The following SDS variants were observed in gnomAD, a reference collection of about 807,000 sequenced individuals.
The protein encoded by SDS is L-serine dehydratase/L-threonine deaminase.
A neutral mutation model predicts 29.3 loss-of-function variants in SDS; 19 were observed. The ratio of observed to expected loss-of-function variants is 0.65; its 90% CI spans 0.45 to 0.95. The LOEUF is 0.95. Ranked by LOEUF, SDS falls within the 40% of genes least tolerant of loss-of-function variation. The probability of loss-of-function intolerance (pLI) is 0.00; values close to 1 mark genes in which losing one functional copy is unlikely to be tolerated. For synonymous variants in SDS, 176 were observed against 189.0 expected (o/e 0.93, Z 0.56); for missense variants, 375 against 439.9 (o/e 0.85, Z 1.32).
At chr12:113,402,188 C>A (rs1353833665) in intron 1 of SDS, among the ~76,000 whole-genome samples, 3 of 152,218 alleles carry the variant, frequency 2.0e-5, no homozygotes, top group African/African-American at 7.2e-5. Context: ...TCCGCTGGAT[C>A]TCTCGAATAA....
Position 113,398,858 on chromosome 12 carries a change from G to T in SDS, c.194-12C>A. 1.9e-6 allele frequency: 3 copies of T among 1,592,858 alleles called. No homozygotes were observed. Among genetic ancestry groups the T allele is most frequent in the Non-Finnish European group, 2.6e-6 (3 of 1,170,132 alleles). On this transcript the variant is annotated splice_polypyrimidine_tract_variant and intron_variant, in intron 3 of 7. Transcript: ENST00000257549. ...GCCTGCGTTGCCCGCTGCCAGGGTC[G>T]GGGGTGGAGAGCGTGTCAGTGCGGG... is the stretch of plus-strand genomic sequence containing the variant.
intron 1 of SDS, among the ~76,000 whole-genome samples, chr12:113,400,149 T>C (rs1957675108): frequency 1.3e-5 from 2 of 152,090 alleles, no homozygotes; most frequent in African/African-American, 4.8e-5. Flanking sequence ...AAAAATTAGC[T>C]GGGCATGGTG....
At chr12:113,395,840 G>A (rs143888398) in intron 6 of SDS, among the ~76,000 whole-genome samples, 52 of 152,248 alleles carry the variant, frequency 3.4e-4, no homozygotes, top group African/African-American at 1.1e-3. Flanking sequence ...AGCCGGGTGC[G>A]GTGGCTCACG....
At chr12:113,397,507 C>A in intron 5 of SDS, 115 bp from the exon 6 acceptor site, 1 of 844,128 alleles carries the variant, frequency 1.2e-6, no homozygotes, top group South Asian at 1.8e-5. Context: ...TCCCTCCCCA[C>A]CCCCAACCTT....
chr12:113,397,993 C>T (rs1407324596), intron 5 of SDS, among the ~76,000 whole-genome samples: 6 of 151,806 alleles, frequency 4.0e-5, no homozygotes, highest in East Asian at 1.9e-4. Context: ...CATGTGCAGC[C>T]GTGGATAATG....
At chr12:113,394,335 G>GTTGT (rs766511468) in intron 6 of SDS, among the ~76,000 whole-genome samples, 23 of 142,808 alleles carry the variant, frequency 1.6e-4, no homozygotes, top group Non-Finnish European at 2.9e-4. Flanking sequence ...TTTTTTTGTT[G>GTTGT]TTTTTTTGTT....
At position 113,398,552 on chromosome 12, in the gene SDS, AAC is replaced by A. The variant is rs1957662872; in HGVS notation, c.386_387del (p.Gly129ValfsTer8). 1.3e-6 allele frequency: 2 copies of A among 1,595,030 alleles called. No homozygotes were observed. Among genetic ancestry groups the A allele is most frequent in the African/African-American group, 2.7e-5 (2 of 73,816 alleles). ...LAKALAKNNP[G>X]WVYIPPFDDP... The stretch of plus-strand genomic sequence containing the variant: ...TCATCAAAGGGGGGAATGTAGACCC[AAC>A]CCGGGTTGTTCTTCGCTAGGGCCTT... On this transcript the variant is annotated frameshift_variant, in exon 5 of 8. Transcript: ENST00000257549. LOFTEE classifies it high-confidence loss of function.
chr12:113,395,886 C>T (rs1957640967), intron 6 of SDS, among the ~76,000 whole-genome samples: 1 of 152,128 alleles, frequency 6.6e-6, no homozygotes, highest in Non-Finnish European at 1.5e-5. Flanking sequence ...CTGAGGTGGG[C>T]AGATCACCTG....
chr12:113,395,784 C>A (rs1385597878), intron 6 of SDS, among the ~76,000 whole-genome samples: 1 of 152,182 alleles, frequency 6.6e-6, no homozygotes, highest in Non-Finnish European at 1.5e-5. Context: ...TTTGGGCCTT[C>A]TGTGTAATGG....
intron 4 of SDS, 41 bp from the exon 5 acceptor site, chr12:113,398,647 G>C: frequency 6.2e-7 from 1 of 1,605,028 alleles, no homozygotes; most frequent in Non-Finnish European, 8.5e-7. Flanking sequence ...TGAGGCACAG[G>C]GGGCACCCTG....
intron 1 of SDS, among the ~76,000 whole-genome samples, chr12:113,402,453 C>T (rs914850462): frequency 5.3e-5 from 8 of 152,096 alleles, no homozygotes; most frequent in Non-Finnish European, 8.8e-5. Flanking sequence ...CCACCACGCC[C>T]GAATAATTTT....
chr12:113,394,789 G>A (rs920739900), intron 6 of SDS, among the ~76,000 whole-genome samples: 2 of 152,094 alleles, frequency 1.3e-5, no homozygotes, highest in African/African-American at 4.8e-5. Flanking sequence ...GGTTACAACC[G>A]CTACCTGGTT....
At chr12:113,397,508 C>T (rs1291274292) in intron 5 of SDS, 116 bp from the exon 6 acceptor site, 21 of 842,676 alleles carry the variant, frequency 2.5e-5, no homozygotes, top group Non-Finnish European at 3.3e-5. Context: ...CCCTCCCCAC[C>T]CCCAACCTTG....
At position 113,402,817 on chromosome 12, in the gene SDS, C is replaced by T. The variant is rs562577438; in HGVS notation, c.-3+951G>A. ...CATCCATTAACTGCATCCAGCCTGC[C>T]CCAAGGATCCCTGCCCCAAGGATCG... On this transcript the variant is annotated intron_variant, in intron 1 of 7. Transcript: ENST00000257549. Among the ~76,000 whole-genome samples the T allele has an allele frequency of 4.6e-5, 7 of 152,294 alleles. No homozygotes were observed. In the South Asian group the frequency reaches 1.5e-3, roughly 32 times the overall value.
intron 5 of SDS, 47 bp downstream of exon 5, chr12:113,398,468 A>G (rs756303109): frequency 8.5e-7 from 1 of 1,182,646 alleles, no homozygotes; most frequent in South Asian, 1.3e-5. Flanking sequence ...CCAGTGATAT[A>G]GGGCAGTGGC....
chr12:113,393,871 A>T, intron 7 of SDS, 21 bp downstream of exon 7: 1 of 1,614,124 alleles, frequency 6.2e-7, no homozygotes, highest in Non-Finnish European at 8.5e-7. Flanking sequence ...AGGTCAGGTC[A>T]TGGGAGGACC....
intron 1 of SDS, among the ~76,000 whole-genome samples, chr12:113,400,125 C>T (rs1235825746): frequency 6.6e-6 from 1 of 152,172 alleles, no homozygotes; most frequent in Non-Finnish European, 1.5e-5. Context: ...AACCCCGTCT[C>T]TACTAAAAAT....
At chr12:113,398,174 G>A (rs1294678191) in intron 5 of SDS, among the ~76,000 whole-genome samples, 1 of 151,452 alleles carries the variant, frequency 6.6e-6, no homozygotes, top group East Asian at 1.9e-4. Context: ...GGGTTCAAGC[G>A]ATTCTCCTGC....
At chr12:113,397,102 C>T (rs1957651427) in intron 6 of SDS, 63 bp downstream of exon 6, 1 of 1,425,070 alleles carries the variant, frequency 7.0e-7, no homozygotes, top group Admixed American at 1.8e-5. Flanking sequence ...ATCTCAAAGC[C>T]AGCCCTAAGG....
Sources: allele counts gnomAD v4.1 joint callset (sites outside exome capture counted in the v4.1 genomes callset), GRCh38; gene constraint gnomAD v4.1.1; transcripts MANE v1.5; gene names NCBI Gene and HGNC (gene_info 2026-07-23, HGNC 2026-07-21).